Variants in TENM4 observed in about 807,000 individuals in gnomAD.
TENM4 encodes the protein teneurin-4.
Under a neutral mutation model 243.3 loss-of-function variants are expected in TENM4, and 82 were observed. That is an observed-to-expected ratio of 0.34 (90% confidence interval 0.28 to 0.40). The LOEUF is 0.40. Among genes scored for constraint, TENM4 ranks in the 10% least tolerant of loss-of-function variants. The pLI is 1.00. For synonymous variants in TENM4, 1,412 were observed against 1,456.3 expected (o/e 0.97, Z 0.69); for missense variants, 3,138 against 3,673.3 (o/e 0.85, Z 3.77).
intron 1 of TENM4, among the ~76,000 whole-genome samples, chr11:79,424,890 C>T (rs1207639586): frequency 6.6e-5 from 10 of 152,156 alleles, no homozygotes; most frequent in Admixed American, 6.5e-4. Context: ...GCCGAGATCA[C>T]ACCACTGCAC....
At chr11:78,660,438 G>A (rs1432899609) in intron 33 of TENM4, among the ~76,000 whole-genome samples, 3 of 152,192 alleles carry the variant, frequency 2.0e-5, no homozygotes, top group African/African-American at 7.2e-5. Context: ...ATCTAGTAGC[G>A]AGACAAGAAA....
intron 6 of TENM4, among the ~76,000 whole-genome samples, chr11:78,949,666 G>A (rs944774958): frequency 6.6e-6 from 1 of 152,210 alleles, no homozygotes; most frequent in African/African-American, 2.4e-5. Context: ...GATCAGAGGG[G>A]CTCAAGAAGT....
intron 6 of TENM4, among the ~76,000 whole-genome samples, chr11:79,063,660 A>G (rs1371261523): frequency 6.6e-6 from 1 of 152,158 alleles, no homozygotes. Context: ...CCCCCAGGCA[A>G]TAGTCTCCAC....
At chr11:79,372,166 A>ATATT (rs1857801452) in intron 1 of TENM4, among the ~76,000 whole-genome samples, 1 of 152,164 alleles carries the variant, frequency 6.6e-6, no homozygotes, top group Non-Finnish European at 1.5e-5. Flanking sequence ...CTTGTGATAT[A>ATATT]TATTTTGAGT....
In TENM4 at chr11:78,653,780, C is replaced by T. The variant is rs556866242; in HGVS notation, c.*4278G>A. ...ACCAGGAGGTCACCTAGTACCTTGC[C>T]TTTGGCATTCCAGAGGGGGTAAGAA... On this transcript the variant is annotated 3_prime_UTR_variant, in exon 34 of 34. Transcript: ENST00000278550. 2 of 152,262 alleles carry T rather than the reference C, an allele frequency of 1.3e-5. No homozygotes were observed. Among genetic ancestry groups the T allele is most frequent in the Non-Finnish European group, 2.9e-5 (2 of 68,056 alleles). The allele number at this position is 152,262 out of a possible 1,614,324, so 9.4% of individuals were successfully genotyped here.
At chr11:79,280,521 C>G (rs1274138106) in intron 2 of TENM4, among the ~76,000 whole-genome samples, 1 of 152,186 alleles carries the variant, frequency 6.6e-6, no homozygotes, top group African/African-American at 2.4e-5. Context: ...GGGAACCACA[C>G]AGGGAAGAAG....
At chr11:79,111,361 C>T (rs773278407) in intron 4 of TENM4, among the ~76,000 whole-genome samples, 18 of 152,060 alleles carry the variant, frequency 1.2e-4, no homozygotes, top group African/African-American at 2.9e-4. Context: ...CTGGCTAACA[C>T]GGTGAAACCG....
intron 7 of TENM4, among the ~76,000 whole-genome samples, chr11:78,898,184 G>A (rs1044614946): frequency 6.6e-6 from 1 of 152,198 alleles, no homozygotes; most frequent in Non-Finnish European, 1.5e-5. Flanking sequence ...GTAGGCCCAG[G>A]CTCCTCAATG....
chr11:79,437,007 T>C (rs1182015365), intron 1 of TENM4, among the ~76,000 whole-genome samples: 1 of 152,200 alleles, frequency 6.6e-6, no homozygotes, highest in African/African-American at 2.4e-5. Context: ...TTGAGGACTT[T>C]CAGTTCCCCA....
chr11:78,677,881 T>C (rs1432472763), intron 29 of TENM4, among the ~76,000 whole-genome samples: 2 of 134,542 alleles, frequency 1.5e-5, no homozygotes, highest in South Asian at 5.5e-4. Context: ...CACTAATGTG[T>C]CATCTAGCAT....
rs564261893 is a variant in TENM4, at chr11:78,991,460, T to C, written c.493+73278A>G. Among the ~76,000 whole-genome samples the C allele has an allele frequency of 1.1e-4, 17 of 152,306 alleles. No homozygotes were observed. In the South Asian group the frequency reaches 3.5e-3, roughly 32 times the overall value. On this transcript the variant is annotated intron_variant, in intron 6 of 33. Coordinates refer to ENST00000278550, the MANE Select transcript of TENM4 (RefSeq NM_001098816.3). ...AGCAACCAAGAGGCAAGAGCACTTG[T>C]TGAATGCTTGTGCATATAAATACTG...
In TENM4 at chr11:78,863,073, T is replaced by C; in HGVS notation, c.1144A>G (p.Ile382Val). The change falls in exon 10 of 34, where the codon ATC becomes GTC. Residue 382 changes from isoleucine (I) to valine (V), a missense_variant. By Grantham distance (29) the Ile-to-Val change is conservative (BLOSUM62 3). Coordinates refer to ENST00000278550, the MANE Select transcript of TENM4 (RefSeq NM_001098816.3). The part of the protein sequence containing the change: ...LQPMEGQMYE[I>V]TEDTASSWPV... ...CAACTGCTGGCTGTGTCCTCCGTGATCTCATACATCTGCCCCTCCATCGGC... is the reference window on the plus strand; with the variant it reads ...CAACTGCTGGCTGTGTCCTCCGTGACCTCATACATCTGCCCCTCCATCGGC... 6.5e-7 allele frequency: 1 copy of C among 1,535,474 alleles called. No individual in the cohort carries two copies.
intron 4 of TENM4, among the ~76,000 whole-genome samples, chr11:79,123,831 T>C (rs35092360): frequency 0.43 from 65,336 of 151,924 alleles, 15,117 homozygotes; most frequent in Non-Finnish European, 0.51. Context: ...CAAATAAGTT[T>C]GGGAAACATG....
intron 4 of TENM4, among the ~76,000 whole-genome samples, chr11:79,072,317 T>TACAA (rs1168787335): frequency 6.6e-6 from 1 of 151,940 alleles, no homozygotes; most frequent in Non-Finnish European, 1.5e-5. Flanking sequence ...GCCCTGTTTC[T>TACAA]ACAGACAAAC....
At chr11:79,405,479 TA>T (rs61042277) in intron 1 of TENM4, among the ~76,000 whole-genome samples, 15,465 of 132,512 alleles carry the variant, frequency 0.12, 857 homozygotes, top group Middle Eastern at 0.18. Flanking sequence ...GCTTAGAATG[TA>T]AAAAAAAAAA....
intron 6 of TENM4, among the ~76,000 whole-genome samples, chr11:78,952,108 ATCCTCC>A (rs1437308691): frequency 1.3e-5 from 2 of 152,132 alleles, no homozygotes; most frequent in African/African-American, 4.8e-5. Flanking sequence ...ACTGCTTTCT[ATCCTCC>A]ATGGACCCTG....
chr11:78,903,945 C>A, intron 6 of TENM4: 1 of 446,682 alleles, frequency 2.2e-6, no homozygotes, highest in Non-Finnish European at 4.3e-6. Flanking sequence ...GAATCATGAA[C>A]CCTGATAGGG....
At chr11:78,886,035 C>A (rs566911593) in intron 9 of TENM4, among the ~76,000 whole-genome samples, 2 of 152,170 alleles carry the variant, frequency 1.3e-5, no homozygotes, top group Non-Finnish European at 2.9e-5. Flanking sequence ...TATTTTCCAC[C>A]CTCTGTTTCT....
intron 14 of TENM4, among the ~76,000 whole-genome samples, chr11:78,805,885 G>A (rs1448892281): frequency 6.6e-6 from 1 of 152,130 alleles, no homozygotes; most frequent in African/African-American, 2.4e-5. Context: ...TATTTTTGTA[G>A]GCATGAGACT....
Sources: allele counts gnomAD v4.1 joint callset (sites outside exome capture counted in the v4.1 genomes callset), GRCh38; gene constraint gnomAD v4.1.1; transcripts MANE v1.5; gene names NCBI Gene and HGNC (gene_info 2026-07-23, HGNC 2026-07-21).